The following TMEM209 variants were observed in gnomAD, a reference collection of about 807,000 sequenced individuals.
TMEM209 encodes transmembrane protein 209.
TMEM209 carries 65 observed loss-of-function variants against 76.2 expected under a neutral mutation model. The observed-to-expected ratio is 0.85, with a 90% confidence interval of 0.70 to 1.05. The LOEUF (loss-of-function observed/expected upper bound fraction) is 1.05, where lower values mean the gene tolerates loss of function less well. Ranked by LOEUF, TMEM209 falls within the 50% of genes least tolerant of loss-of-function variation. TMEM209 has a pLI of 0.00. For missense variants in TMEM209, 623 were observed against 685.5 expected, an observed-to-expected ratio of 0.91 and a Z score of 1.02; for synonymous variants, 239 against 237.6, an observed-to-expected ratio of 1.01 and a Z score of -0.06.
chr7:130,175,718 C>A, intron 10 of TMEM209, 109 bp from the exon 11 acceptor site: 2 of 771,818 alleles, frequency 2.6e-6, no homozygotes, highest in South Asian at 1.9e-5. Flanking sequence ...AAAACTTGAT[C>A]AAAACACCCA....
intron 6 of TMEM209, among the ~76,000 whole-genome samples, chr7:130,186,510 TAATAAATAGAG>T (rs1275697552): frequency 6.6e-6 from 1 of 152,176 alleles, no homozygotes; most frequent in Non-Finnish European, 1.5e-5. Flanking sequence ...ATAAATGATT[TAATAAATAGAG>T]AACAGAAATG....
intron 10 of TMEM209, among the ~76,000 whole-genome samples, chr7:130,178,075 A>G (rs62491974): frequency 0.098 from 14,990 of 152,186 alleles, 777 homozygotes; most frequent in Middle Eastern, 0.14. Context: ...TAATAAGAAT[A>G]TCACAGAAAT....
intron 5 of TMEM209, among the ~76,000 whole-genome samples, chr7:130,193,980 CG>C (rs1356930235): frequency 6.6e-6 from 1 of 151,732 alleles, no homozygotes; most frequent in Non-Finnish European, 1.5e-5. Context: ...GGGCGAATCA[CG>C]GGGTCAGGAG....
At chr7:130,172,026 CTG>C (rs1797086672) in intron 13 of TMEM209, among the ~76,000 whole-genome samples, 1 of 151,914 alleles carries the variant, frequency 6.6e-6, no homozygotes, top group African/African-American at 2.4e-5. Flanking sequence ...GAGCAAGACT[CTG>C]TCTCAAAAAA....
intron 6 of TMEM209, among the ~76,000 whole-genome samples, chr7:130,186,727 A>T (rs1424048497): frequency 6.8e-4 from 104 of 152,120 alleles, no homozygotes; most frequent in Non-Finnish European, 1.4e-3. Flanking sequence ...GCAAAGAAAA[A>T]ATGTACATAG....
chr7:130,204,835 A>G, intron 1 of TMEM209: 4 of 676,696 alleles, frequency 5.9e-6, no homozygotes, highest in Non-Finnish European at 7.4e-6. Context: ...GTAAGTCATA[A>G]AGACTGTTGT....
At position 130,202,677 on chromosome 7, in the gene TMEM209, A is replaced by AT. The variant is rs541423480; in HGVS notation, c.200-15dup. 186 of 1,597,898 alleles carry AT rather than the reference A, an allele frequency of 1.2e-4. No homozygotes were observed. Among genetic ancestry groups the AT allele is most frequent in the South Asian group, 2.5e-4 (22 of 88,808 alleles). On this transcript the variant is annotated splice_polypyrimidine_tract_variant and intron_variant, in intron 3 of 14. Coordinates refer to ENST00000397622, the MANE Select transcript of TMEM209 (RefSeq NM_032842.4). ...CAAGGGCAAGCTCTGGAAGAGAACA[A>AT]TTTTTTTTTAATAAGGGGGGTGAGG...
rs537338799 is a variant in TMEM209 at position 130,205,386 on chromosome 7, C to A, written c.-11G>T. 6.2e-6 allele frequency: 10 copies of A among 1,613,914 alleles called. No individual in the cohort carries two copies. Among genetic ancestry groups the A allele is most frequent in the Non-Finnish European group, 7.6e-6 (9 of 1,179,902 alleles). On this transcript the variant is annotated 5_prime_UTR_variant, in exon 1 of 15. Coordinates refer to ENST00000397622, the MANE Select transcript of TMEM209 (RefSeq NM_032842.4). ...CCGAAAACGCACCATGTCCTCTGGCCGGAAAACGCAGGCTCGCGCCACTCT... is the reference window on the plus strand; with the variant it reads ...CCGAAAACGCACCATGTCCTCTGGCAGGAAAACGCAGGCTCGCGCCACTCT...
chr7:130,199,635 T>C (rs1054575525), intron 5 of TMEM209, among the ~76,000 whole-genome samples: 9 of 152,082 alleles, frequency 5.9e-5, no homozygotes, highest in Non-Finnish European at 1.2e-4. Context: ...AACTTATAAA[T>C]ACAAAGATGT....
Position 130,189,170 on chromosome 7 carries a change from G to A in TMEM209, c.775+3452C>T, listed in dbSNP as rs369973020. 7.2e-5 allele frequency among the ~76,000 whole-genome samples: 11 copies of A among 152,234 alleles called. No homozygotes were observed. In the South Asian group the frequency reaches 2.3e-3, roughly 32 times the overall value. The stretch of plus-strand genomic sequence containing the variant: ...AATATGAACACCCATAGTATCTTAA[G>A]CATGACAATCATATTGTCATTATTC... On this transcript the variant is annotated intron_variant, in intron 6 of 14. Transcript: ENST00000397622.
chr7:130,173,582 G>T, intron 13 of TMEM209, 50 bp downstream of exon 13: 1 of 1,382,880 alleles, frequency 7.2e-7, no homozygotes, highest in Non-Finnish European at 1.0e-6. Flanking sequence ...CATCATCCAA[G>T]CAAATCACCC....
chr7:130,171,765 G>T (rs1203933936), intron 13 of TMEM209, among the ~76,000 whole-genome samples: 1 of 152,134 alleles, frequency 6.6e-6, no homozygotes, highest in Admixed American at 6.6e-5. Context: ...GGCAGCTCAT[G>T]CCTGTTATCA....
chr7:130,201,424 T>C (rs568670157), intron 5 of TMEM209, among the ~76,000 whole-genome samples: 1 of 151,444 alleles, frequency 6.6e-6, no homozygotes, highest in African/African-American at 2.4e-5. Context: ...TTTGTACTCA[T>C]TGGAAAAAAA....
chr7:130,194,380 C>A (rs1045620588), intron 5 of TMEM209, among the ~76,000 whole-genome samples: 7 of 149,748 alleles, frequency 4.7e-5, no homozygotes, highest in Admixed American at 4.6e-4. Flanking sequence ...GAGTTAGAGG[C>A]TATGGTGAGC....
intron 10 of TMEM209, among the ~76,000 whole-genome samples, chr7:130,177,956 T>C (rs1562887718): frequency 6.6e-6 from 1 of 152,182 alleles, no homozygotes. Context: ...TCTAACGTTA[T>C]GAATTGCTCT....
At position 130,203,980 on chromosome 7, in the gene TMEM209, G is replaced by C; in HGVS notation, c.134C>G (p.Thr45Ser). The C allele has an allele frequency of 6.2e-7, 1 of 1,613,434 alleles. No individual in the cohort carries two copies. Among genetic ancestry groups the C allele is most frequent in the Non-Finnish European group, 8.5e-7 (1 of 1,179,738 alleles). Residue 45 changes from threonine (T) to serine (S), a missense_variant, in exon 2 of 15, where the codon ACT (threonine) becomes AGT (serine). By Grantham distance (58) the Thr-to-Ser change is moderately conservative. Transcript: ENST00000397622. ...LNVSMAGMIY[T>S]EMTGKLISSY... is the part of the protein sequence containing the mutation. The stretch of plus-strand genomic sequence containing the variant: ...TTTGGACTGATTCACTTACATTTCA[G>C]TATATATCATTCCAGCCATAGATAC...
At chr7:130,178,929 C>G (rs915557257) in intron 9 of TMEM209, among the ~76,000 whole-genome samples, 2 of 152,144 alleles carry the variant, frequency 1.3e-5, no homozygotes. Flanking sequence ...CAGGCACATG[C>G]CACCACACCT....
intron 6 of TMEM209, among the ~76,000 whole-genome samples, chr7:130,185,763 A>G (rs1308071547): frequency 1.3e-5 from 2 of 152,208 alleles, no homozygotes; most frequent in Non-Finnish European, 2.9e-5. Flanking sequence ...TAAAAGGGAT[A>G]ACTATAGCCT....
At chr7:130,171,659 A>T (rs1232573810) in intron 13 of TMEM209, among the ~76,000 whole-genome samples, 1 of 152,248 alleles carries the variant, frequency 6.6e-6, no homozygotes, top group Admixed American at 6.5e-5. Flanking sequence ...TATTATAGCC[A>T]ATGTAAAATT....
Sources: allele counts gnomAD v4.1 joint callset (sites outside exome capture counted in the v4.1 genomes callset), GRCh38; gene constraint gnomAD v4.1.1; transcripts MANE v1.5; gene names NCBI Gene and HGNC (gene_info 2026-07-23, HGNC 2026-07-21).